WWOX: variants seen among roughly 807,000 people sequenced by gnomAD.
WWOX encodes the protein WW domain-containing oxidoreductase.
WWOX carries 69 observed loss-of-function variants against 46.2 expected under a neutral mutation model. The ratio of observed to expected loss-of-function variants is 1.49; its 90% CI spans 1.23 to 1.82. The LOEUF is 1.82. WWOX is among the 40% of genes most tolerant of loss of function. The pLI is 0.00. For missense variants in WWOX, 919 were observed against 542.6 expected (o/e 1.69, Z -6.89); for synonymous variants, 359 against 202.6 (o/e 1.77, Z -6.56).
chr16:78,441,099 C>G (rs115557638), intron 8 of WWOX, among the ~76,000 whole-genome samples: 2 of 151,982 alleles, frequency 1.3e-5, no homozygotes, highest in Non-Finnish European at 1.5e-5. Flanking sequence ...TGCACCACCA[C>G]GCACGGCTGA....
chr16:79,106,463 AC>A (rs2049309238), intron 8 of WWOX, among the ~76,000 whole-genome samples: 1 of 151,964 alleles, frequency 6.6e-6, no homozygotes, highest in Admixed American at 6.6e-5. Context: ...ATCTGGGGAC[AC>A]TTTTTGGTCC....
intron 5 of WWOX, among the ~76,000 whole-genome samples, chr16:78,311,155 G>C (rs780620710): frequency 2.0e-5 from 3 of 152,162 alleles, no homozygotes; most frequent in African/African-American, 7.2e-5. Context: ...GGTGGGTGAA[G>C]TGTGAGCAAT....
intron 8 of WWOX, among the ~76,000 whole-genome samples, chr16:78,848,063 C>G (rs894361556): frequency 1.3e-5 from 2 of 152,156 alleles, no homozygotes; most frequent in African/African-American, 2.4e-5. Context: ...TAGCTACTAG[C>G]CAAGCTACCA....
At chr16:79,167,377 G>T (rs373127813) in intron 8 of WWOX, among the ~76,000 whole-genome samples, 13 of 152,062 alleles carry the variant, frequency 8.5e-5, no homozygotes, top group South Asian at 2.1e-4. Flanking sequence ...TTAGTATTTG[G>T]TTTTTTTCTG....
intron 6 of WWOX, among the ~76,000 whole-genome samples, chr16:78,391,993 TC>T (rs781434322): frequency 8.9e-5 from 12 of 135,212 alleles, no homozygotes; most frequent in African/African-American, 3.9e-4. Flanking sequence ...AGGTTTTGTC[TC>T]CTTTTTTTTT....
At chr16:78,616,691 G>C (rs571696575) in intron 8 of WWOX, among the ~76,000 whole-genome samples, 1 of 151,956 alleles carries the variant, frequency 6.6e-6, no homozygotes, top group African/African-American at 2.4e-5. Context: ...GCTTGAACCT[G>C]GGAGGCAGTG....
At chr16:78,649,798 A>G (rs1001637981) in intron 8 of WWOX, among the ~76,000 whole-genome samples, 2 of 152,230 alleles carry the variant, frequency 1.3e-5, no homozygotes, top group Non-Finnish European at 2.9e-5. Flanking sequence ...ACACTTAAAT[A>G]CTCAAAGCCT....
chr16:78,627,901 G>A (rs1025598142), intron 8 of WWOX, among the ~76,000 whole-genome samples: 3 of 152,214 alleles, frequency 2.0e-5, no homozygotes, highest in East Asian at 3.9e-4. Flanking sequence ...TGGATTTGGC[G>A]TTGGCCAGAA....
rs369429131 is a variant in WWOX, at chr16:78,800,908, A to G, written c.1056+368156A>G. Among the ~76,000 whole-genome samples, 3 of 152,018 alleles carry G rather than the reference A, an allele frequency of 2.0e-5. No individual in the cohort carries two copies. The East Asian group carries it at 5.8e-4, about 30-fold the overall frequency. On this transcript the variant is annotated intron_variant, in intron 8 of 8. Transcript: ENST00000566780. ...AAGCTTTTGCAAGGCATTCCCCAAT[A>G]TAACCATTAAGCATCAAACTCTCAA...
At chr16:78,639,299 C>G (rs561863967) in intron 8 of WWOX, among the ~76,000 whole-genome samples, 2 of 152,214 alleles carry the variant, frequency 1.3e-5, no homozygotes, top group Non-Finnish European at 2.9e-5. Context: ...GCAACCCAAG[C>G]TGGGTCAGTC....
chr16:78,378,558 G>A (rs1443981268), intron 5 of WWOX, among the ~76,000 whole-genome samples: 2 of 152,204 alleles, frequency 1.3e-5, no homozygotes, highest in African/African-American at 2.4e-5. Context: ...TATTAAACCA[G>A]TTGAGTTAGA....
intron 8 of WWOX, among the ~76,000 whole-genome samples, chr16:78,606,742 T>C (rs1015322181): frequency 9.0e-6 from 1 of 111,026 alleles, no homozygotes; most frequent in Non-Finnish European, 2.1e-5. Context: ...TTTTTTTTTT[T>C]AAATAGGGGA....
intron 8 of WWOX, among the ~76,000 whole-genome samples, chr16:78,683,354 A>G (rs889739342): frequency 6.6e-6 from 1 of 151,638 alleles, no homozygotes; most frequent in African/African-American, 2.4e-5. Context: ...CCTGGGCAAC[A>G]AGGCGAAACC....
chr16:79,010,434 C>G (rs915847947), intron 8 of WWOX, among the ~76,000 whole-genome samples: 1 of 152,148 alleles, frequency 6.6e-6, no homozygotes, highest in Non-Finnish European at 1.5e-5. Flanking sequence ...ACACGGAGGA[C>G]CTGCCACTGG....
chr16:78,527,582 T>TC (rs1284470166), intron 8 of WWOX, among the ~76,000 whole-genome samples: 1 of 152,094 alleles, frequency 6.6e-6, no homozygotes, highest in East Asian at 1.9e-4. Flanking sequence ...GCATGAGCCA[T>TC]CGCGCCCAGC....
chr16:78,985,052 C>T (rs2046757964), intron 8 of WWOX, among the ~76,000 whole-genome samples: 1 of 152,204 alleles, frequency 6.6e-6, no homozygotes, highest in African/African-American at 2.4e-5. Context: ...CTCCACCCCG[C>T]TCTGTCAGGA....
At chr16:79,026,171 C>T (rs1280239355) in intron 8 of WWOX, among the ~76,000 whole-genome samples, 1 of 151,666 alleles carries the variant, frequency 6.6e-6, no homozygotes, top group Non-Finnish European at 1.5e-5. Flanking sequence ...TTTCCTCACT[C>T]CTTTTAGGTG....
chr16:79,040,829 G>A (rs1597315410), intron 8 of WWOX, among the ~76,000 whole-genome samples: 2 of 152,024 alleles, frequency 1.3e-5, no homozygotes, highest in East Asian at 3.9e-4. Flanking sequence ...GAGCAAGGTT[G>A]TACTGGGATT....
chr16:78,882,841 A>AG (rs1041047453), intron 8 of WWOX, among the ~76,000 whole-genome samples: 12 of 151,550 alleles, frequency 7.9e-5, no homozygotes, highest in East Asian at 1.9e-4. Context: ...AAAAAAAAAA[A>AG]GGGCATTAAT....
Sources: gnomAD v4.1 joint callset for allele counts (sites outside exome capture counted in the v4.1 genomes callset) on GRCh38, gnomAD v4.1.1 for gene constraint, MANE v1.5 for transcripts, NCBI Gene and HGNC (gene_info 2026-07-23, HGNC 2026-07-21) for gene names.